Variants in SORCS2 observed in about 807,000 individuals in gnomAD.
SORCS2 encodes sortilin related VPS10 domain containing receptor 2.
A neutral mutation model predicts 141.6 loss-of-function variants in SORCS2; 100 were observed. The ratio of observed to expected loss-of-function variants is 0.71; its 90% CI spans 0.60 to 0.83. The LOEUF is 0.83. SORCS2 is among the 40% of genes least tolerant of loss of function. The pLI is 0.00. For missense variants in SORCS2, 1,646 were observed against 1,560.2 expected (o/e 1.05, Z -0.93); for synonymous variants, 789 against 676.9 (o/e 1.17, Z -2.57).
chr4:7,214,154 G>T (rs1728197638), intron 1 of SORCS2, among the ~76,000 whole-genome samples: 1 of 152,170 alleles, frequency 6.6e-6, no homozygotes, highest in Non-Finnish European at 1.5e-5. Flanking sequence ...CAGCTGGTGG[G>T]TGGGGAGGCT....
chr4:7,366,623 A>T (rs573954940), intron 1 of SORCS2, among the ~76,000 whole-genome samples: 69 of 149,972 alleles, frequency 4.6e-4, no homozygotes, highest in African/African-American at 1.6e-3. Context: ...CTCCTCCTCC[A>T]GCCTCCCATG....
chr4:7,356,941 T>A (rs1256897470), intron 1 of SORCS2, among the ~76,000 whole-genome samples: 1 of 152,180 alleles, frequency 6.6e-6, no homozygotes, highest in Non-Finnish European at 1.5e-5. Context: ...ATGTGCTGAG[T>A]GCTTGGCCAG....
chr4:7,725,607 G>A lies in SORCS2; in HGVS notation c.2745+320G>A, dbSNP rs551378211. 3.3e-5 allele frequency among the ~76,000 whole-genome samples: 5 copies of A among 152,290 alleles called. No homozygotes were observed. The South Asian group carries it at 6.2e-4, about 19-fold the overall frequency. On this transcript the variant is annotated intron_variant, in intron 20 of 26. Transcript: ENST00000507866. ...GTAGGTGGGCTGCATGAGAGCTCCCGGAAAGGAGAGAGCATTTGCAGTGAG... is the reference window on the plus strand; with the variant it reads ...GTAGGTGGGCTGCATGAGAGCTCCCAGAAAGGAGAGAGCATTTGCAGTGAG...
intron 1 of SORCS2, among the ~76,000 whole-genome samples, chr4:7,389,349 C>A (rs1214406613): frequency 6.6e-6 from 1 of 152,236 alleles, no homozygotes; most frequent in Admixed American, 6.5e-5. Flanking sequence ...TGAGTTGGGC[C>A]TGAGTGACGT....
At chr4:7,634,325 A>T (rs191826761) in intron 3 of SORCS2, among the ~76,000 whole-genome samples, 1 of 151,864 alleles carries the variant, frequency 6.6e-6, no homozygotes, top group African/African-American at 2.4e-5. Flanking sequence ...GTAAGACGAG[A>T]TCGTGCCGCT....
At chr4:7,634,677 A>G (rs1399521149) in intron 3 of SORCS2, among the ~76,000 whole-genome samples, 1 of 152,214 alleles carries the variant, frequency 6.6e-6, no homozygotes, top group Non-Finnish European at 1.5e-5. Flanking sequence ...ACACCCCTCA[A>G]GCGCGGGCTG....
intron 2 of SORCS2, among the ~76,000 whole-genome samples, chr4:7,453,575 T>C (rs1728640530): frequency 7.1e-6 from 1 of 140,596 alleles, no homozygotes; most frequent in African/African-American, 2.7e-5. Flanking sequence ...AGCTGCTGTG[T>C]TGGGGTCAGG....
chr4:7,725,853 C>T (rs1451326872), intron 20 of SORCS2, among the ~76,000 whole-genome samples: 1 of 152,246 alleles, frequency 6.6e-6, no homozygotes, highest in Non-Finnish European at 1.5e-5. Flanking sequence ...AAGCCCCCTA[C>T]CAGCAGCTGA....
intron 1 of SORCS2, among the ~76,000 whole-genome samples, chr4:7,345,627 C>T (rs972635371): frequency 2.0e-5 from 3 of 152,194 alleles, no homozygotes; most frequent in Admixed American, 2.0e-4. Flanking sequence ...CTCCGTTTCC[C>T]ATCTGTGAGA....
At chr4:7,223,961 GAGTAGGA>G (rs1728860515) in intron 1 of SORCS2, among the ~76,000 whole-genome samples, 1 of 152,252 alleles carries the variant, frequency 6.6e-6, no homozygotes, top group South Asian at 2.1e-4. Flanking sequence ...ACCAGGCACA[GAGTAGGA>G]ACTCAATGGC....
At chr4:7,281,139 G>A (rs1418716890) in intron 1 of SORCS2, among the ~76,000 whole-genome samples, 2 of 152,080 alleles carry the variant, frequency 1.3e-5, no homozygotes, top group Non-Finnish European at 2.9e-5. Context: ...GAAAACACCC[G>A]GAGGCCTTCA....
intron 1 of SORCS2, among the ~76,000 whole-genome samples, chr4:7,269,359 G>A (rs1245875610): frequency 7.9e-5 from 12 of 152,232 alleles, no homozygotes; most frequent in Admixed American, 7.8e-4. Flanking sequence ...GCGGCCAGGT[G>A]ATGTGTGTTG....
chr4:7,543,801 CATCCATCCATCCATCCATCT>C (rs1410801735), intron 3 of SORCS2, among the ~76,000 whole-genome samples: 5 of 90,628 alleles, frequency 5.5e-5, no homozygotes, highest in Non-Finnish European at 1.3e-4. Flanking sequence ...TCCATCCATC[CATCCATCCATCCATCCATCT>C]ACCCATCTGT....
intron 10 of SORCS2, among the ~76,000 whole-genome samples, chr4:7,687,649 G>A (rs1723961277): frequency 6.6e-6 from 1 of 152,104 alleles, no homozygotes; most frequent in African/African-American, 2.4e-5. Flanking sequence ...TTCAGGATGT[G>A]CGTCTGCAAT....
chr4:7,305,410 T>C (rs1404262403), intron 1 of SORCS2, among the ~76,000 whole-genome samples: 2 of 151,116 alleles, frequency 1.3e-5, no homozygotes, highest in African/African-American at 4.9e-5. Flanking sequence ...AATACAATCC[T>C]GAGAAGGAGG....
At chr4:7,320,384 AGAG>A (rs1214483035) in intron 1 of SORCS2, among the ~76,000 whole-genome samples, 2 of 152,234 alleles carry the variant, frequency 1.3e-5, no homozygotes, top group Admixed American at 1.3e-4. Context: ...GGATCCCCAC[AGAG>A]GAGAAGGCAT....
rs1463994005 is a variant in SORCS2 at position 7,664,497 on chromosome 4, A to G, written c.1071+26A>G. The G allele has an allele frequency of 6.5e-7, 1 of 1,541,514 alleles. No homozygotes were observed. Among genetic ancestry groups the G allele is most frequent in the Non-Finnish European group, 8.8e-7 (1 of 1,132,260 alleles). ...GTAAGGTTGCTTCTGGGGCTTTTGG[A>G]AATTGGCAACAGGTGACGTGGCGGA... is the stretch of plus-strand genomic sequence containing the variant. On this transcript the variant is annotated intron_variant, in intron 7 of 26. Coordinates refer to ENST00000507866, the MANE Select transcript of SORCS2 (RefSeq NM_020777.3). This position sits in a 1 kb window ranked among gnomAD's most constrained non-coding sequence, Gnocchi z 4.7.
Position 7,654,225 on chromosome 4 carries a change from C to T in SORCS2, c.887+18C>T, listed in dbSNP as rs1215462324. ...GTGTTCTGGTGAGAGCACTTCCCCACCCCAAACCCATGGGGCCCGCAGCTC... is the reference window on the plus strand; with the variant it reads ...GTGTTCTGGTGAGAGCACTTCCCCATCCCAAACCCATGGGGCCCGCAGCTC... On this transcript the variant is annotated intron_variant, in intron 5 of 26. Transcript: ENST00000507866. The T allele has an allele frequency of 6.4e-7, 1 of 1,564,074 alleles. No homozygotes were observed. Among genetic ancestry groups the T allele is most frequent in the South Asian group, 1.2e-5 (1 of 85,022 alleles).
chr4:7,729,728 GCTGCACTCCCAGGTCCTCC>G lies in SORCS2; in HGVS notation c.3108+23_3108+41del, dbSNP rs1185241377. The G allele has an allele frequency of 4.4e-6, 7 of 1,606,090 alleles. No individual in the cohort carries two copies. The highest frequency in any genetic ancestry group is 6.0e-6 in the Non-Finnish European group (7 of 1,175,382). ...GAGTGATAAGGTATGTCCTGTGGCC[GCTGCACTCCCAGGTCCTCC>G]CTGCACATCCCAGGGCTCGGGTCAT... On this transcript the variant is annotated intron_variant, in intron 23 of 26. Transcript: ENST00000507866.
Sources: gnomAD v4.1 joint callset for allele counts (sites outside exome capture counted in the v4.1 genomes callset) on GRCh38, gnomAD v4.1.1 for gene constraint, Gnocchi (gnomAD v3.1) non-coding constraint, MANE v1.5 for transcripts, NCBI Gene and HGNC (gene_info 2026-07-23, HGNC 2026-07-21) for gene names.